The following SVEP1 variants were observed in gnomAD, a reference collection of about 807,000 sequenced individuals.
SVEP1 encodes sushi, von Willebrand factor type A, EGF and pentraxin domain containing 1.
Under a neutral mutation model 367.3 loss-of-function variants are expected in SVEP1, and 164 were observed. The ratio of observed to expected loss-of-function variants is 0.45; its 90% CI spans 0.39 to 0.51. The LOEUF (loss-of-function observed/expected upper bound fraction) is 0.51. SVEP1 is among the 20% of genes least tolerant of loss of function. The probability of loss-of-function intolerance (pLI) is 0.00; values close to 1 mark genes in which losing one functional copy is unlikely to be tolerated. For missense variants in SVEP1, 4,117 were observed against 4,425.3 expected, an observed-to-expected ratio of 0.93 and a Z score of 1.98; for synonymous variants, 1,666 against 1,611.6, an observed-to-expected ratio of 1.03 and a Z score of -0.81.
At chr9:110,391,233 A>G (rs541517882) in intron 40 of SVEP1, among the ~76,000 whole-genome samples, 71 of 151,718 alleles carry the variant, frequency 4.7e-4, no homozygotes, top group Admixed American at 7.2e-4. Context: ...CATTTTATGA[A>G]CAAATGTACA....
intron 37 of SVEP1, among the ~76,000 whole-genome samples, chr9:110,409,184 C>T (rs774520464): frequency 9.9e-5 from 15 of 152,160 alleles, no homozygotes; most frequent in Non-Finnish European, 1.8e-4. Flanking sequence ...GCCTACAATC[C>T]CAGCACTTTG....
At chr9:110,561,889 A>C (rs149616831) in intron 1 of SVEP1, among the ~76,000 whole-genome samples, 1 of 152,182 alleles carries the variant, frequency 6.6e-6, no homozygotes, top group African/African-American at 2.4e-5. Context: ...AGAAAGAAAG[A>C]AAAAGGTTGG....
chr9:110,425,841 A>T (rs1465668047), intron 36 of SVEP1, among the ~76,000 whole-genome samples: 4 of 152,210 alleles, frequency 2.6e-5, no homozygotes, highest in African/African-American at 7.2e-5. Context: ...AATTCTAGGA[A>T]GAAATGAAGT....
intron 8 of SVEP1, among the ~76,000 whole-genome samples, chr9:110,495,660 T>G: frequency 6.6e-6 from 1 of 152,212 alleles, no homozygotes; most frequent in Middle Eastern, 3.4e-3. Flanking sequence ...TATATATATT[T>G]ACAGGTAAGT....
chr9:110,423,988 G>A (rs959509559), intron 36 of SVEP1, among the ~76,000 whole-genome samples: 25 of 152,326 alleles, frequency 1.6e-4, no homozygotes, highest in Non-Finnish European at 7.4e-5. Context: ...AATCAACTGT[G>A]ATAAACACTA....
intron 8 of SVEP1, among the ~76,000 whole-genome samples, chr9:110,493,508 G>C (rs1829401342): frequency 6.6e-6 from 1 of 152,072 alleles, no homozygotes; most frequent in East Asian, 1.9e-4. Context: ...GCTAAGGCAG[G>C]AGATCACTGG....
Position 110,579,046 on chromosome 9 carries a change from G to A in SVEP1, c.498C>T (p.Gly166=). ...GCTGGAAGGCGCCCTTGGTGTAGGT[G>A]CCGCCACCTCGGTAGGAGATGGCAG... ...EIPAISYRGG[G]TYTKGAFQQA... Residue 166 remains glycine (G), a synonymous_variant, in exon 1 of 48, where the codon GGC becomes GGT. Coordinates refer to ENST00000374469, the MANE Select transcript of SVEP1 (RefSeq NM_153366.4). This position sits in a 1 kb window ranked among gnomAD's most constrained non-coding sequence, Gnocchi z 5.3. 1 of 1,549,520 alleles carries A rather than the reference G, an allele frequency of 6.5e-7. No individual in the cohort carries two copies. The highest frequency in any genetic ancestry group is 8.7e-7 in the Non-Finnish European group (1 of 1,146,836).
At chr9:110,511,232 T>A (rs1287959933) in intron 5 of SVEP1, among the ~76,000 whole-genome samples, 1 of 152,198 alleles carries the variant, frequency 6.6e-6, no homozygotes, top group African/African-American at 2.4e-5. Context: ...ATCCAAGATT[T>A]GGGTTGTGAG....
At chr9:110,570,256 C>A (rs533014877) in intron 1 of SVEP1, among the ~76,000 whole-genome samples, 1 of 152,268 alleles carries the variant, frequency 6.6e-6, no homozygotes, top group Non-Finnish European at 1.5e-5. Context: ...GACATGTCTT[C>A]ACCTGGCAGC....
chr9:110,559,623 G>GT (rs776067228), intron 1 of SVEP1, among the ~76,000 whole-genome samples: 20 of 151,986 alleles, frequency 1.3e-4, no homozygotes, highest in Non-Finnish European at 2.5e-4. Flanking sequence ...ACCTGTCCTG[G>GT]TAATATTTGG....
chr9:110,518,448 T>C (rs1033967726), intron 3 of SVEP1, among the ~76,000 whole-genome samples: 2 of 151,932 alleles, frequency 1.3e-5, no homozygotes, highest in Admixed American at 1.3e-4. Context: ...AATGCAGTTA[T>C]ATATAAAAGA....
intron 13 of SVEP1, among the ~76,000 whole-genome samples, chr9:110,478,866 C>T (rs1829141342): frequency 6.6e-6 from 1 of 151,778 alleles, no homozygotes; most frequent in Non-Finnish European, 1.5e-5. Flanking sequence ...TAGCATGGTT[C>T]CTGCCTTGAA....
Position 110,430,432 on chromosome 9 carries a change from G to T in SVEP1, c.5372C>A (p.Ala1791Asp). The change falls in exon 33 of 48, where the codon GCT (alanine) becomes GAT (aspartate). Residue 1791 changes from alanine to aspartate, a missense_variant. Coordinates refer to ENST00000374469, the MANE Select transcript of SVEP1 (RefSeq NM_153366.4). ...KNCAEPIKCK[A>D]PGNPENGHSS... ...GTGGCCATTTTCCGGATTTCCTGGAGCCTTACATTTTATAGGTTCTAGAAA... is the reference window on the plus strand; with the variant it reads ...GTGGCCATTTTCCGGATTTCCTGGATCCTTACATTTTATAGGTTCTAGAAA... The T allele has an allele frequency of 6.2e-7, 1 of 1,611,478 alleles. No individual in the cohort carries two copies. The highest frequency in any genetic ancestry group is 8.5e-7 in the Non-Finnish European group (1 of 1,178,814).
At chr9:110,511,288 T>C (rs917922141) in intron 5 of SVEP1, among the ~76,000 whole-genome samples, 1 of 152,172 alleles carries the variant, frequency 6.6e-6, no homozygotes, top group African/African-American at 2.4e-5. Flanking sequence ...GATCTTCTAC[T>C]GGTGCATCTC....
intron 1 of SVEP1, among the ~76,000 whole-genome samples, chr9:110,554,722 A>ATGTG (rs762452858): frequency 0.012 from 1,406 of 121,572 alleles, 24 homozygotes; most frequent in African/African-American, 0.042. Flanking sequence ...GTATGTATAG[A>ATGTG]TGTGCGTGTG....
chr9:110,374,409 G>T (rs776771291), intron 46 of SVEP1, among the ~76,000 whole-genome samples: 25 of 152,134 alleles, frequency 1.6e-4, no homozygotes, highest in Non-Finnish European at 3.1e-4. Context: ...CAAAACTTTG[G>T]GAGGCCAAGG....
chr9:110,523,697 A>G (rs1274260600), intron 3 of SVEP1, among the ~76,000 whole-genome samples: 1 of 152,160 alleles, frequency 6.6e-6, no homozygotes, highest in Non-Finnish European at 1.5e-5. Context: ...TGTATGTTAT[A>G]TCAGATGAAG....
chr9:110,451,458 A>C, intron 22 of SVEP1, 56 bp from the exon 23 acceptor site: 1 of 1,301,652 alleles, frequency 7.7e-7, no homozygotes, highest in Non-Finnish European at 1.1e-6. Flanking sequence ...CTTTAAGACC[A>C]ATAGTTTCCA....
rs1196562763 is a variant in SVEP1, at chr9:110,408,212, A to G, written c.7388T>C (p.Leu2463Pro). 1 of 1,614,038 alleles carries G rather than the reference A, an allele frequency of 6.2e-7. No homozygotes were observed. Among genetic ancestry groups the G allele is most frequent in the Non-Finnish European group, 8.5e-7 (1 of 1,179,906 alleles). Residue 2463 changes from leucine to proline, a missense_variant, in exon 38 of 48, where the codon CTC becomes CCC. By Grantham distance (98) the Leu-to-Pro change is moderately conservative. Around this residue, in one of 4 missense-constraint regions of SVEP1, gnomAD observed 1,765 missense variants for 1,781.1 expected, o/e 0.99. Coordinates refer to ENST00000374469, the MANE Select transcript of SVEP1 (RefSeq NM_153366.4). ...TTCAAAGCCTGGCTTGCAGGTATAGAGAGCTGTGCTGAGATAGGCAAGGCC... is the reference window on the plus strand; with the variant it reads ...TTCAAAGCCTGGCTTGCAGGTATAGGGAGCTGTGCTGAGATAGGCAAGGCC... Reference protein sequence around the residue: ...VQGLAYLSTALYTCKPGFELV... With the variant: ...VQGLAYLSTAPYTCKPGFELV...
Sources: allele counts gnomAD v4.1 joint callset (sites outside exome capture counted in the v4.1 genomes callset), GRCh38; gene constraint gnomAD v4.1.1; regional missense constraint gnomAD v4.1.1; non-coding constraint Gnocchi (gnomAD v3.1); transcripts MANE v1.5; gene names NCBI Gene and HGNC (gene_info 2026-07-23, HGNC 2026-07-21).